The following SMYD3 variants were observed in gnomAD, a reference collection of about 807,000 sequenced individuals.
The protein encoded by SMYD3 is histone-lysine N-methyltransferase SMYD3.
A neutral mutation model predicts 57.7 loss-of-function variants in SMYD3; 36 were observed. The observed-to-expected ratio is 0.62, with a 90% CI of 0.48 to 0.82. SMYD3 has a LOEUF of 0.82. Among genes scored for constraint, SMYD3 ranks in the 40% least tolerant of loss-of-function variants. The probability of loss-of-function intolerance (pLI) is 0.00; values close to 1 mark genes in which losing one functional copy is unlikely to be tolerated. For synonymous variants in SMYD3, 211 were observed against 195.0 expected (o/e 1.08, Z -0.68); for missense variants, 515 against 538.8 (o/e 0.96, Z 0.44).
intron 1 of SMYD3, among the ~76,000 whole-genome samples, chr1:246,461,805 G>A (rs1163281621): frequency 6.6e-6 from 1 of 151,318 alleles, no homozygotes; most frequent in South Asian, 2.1e-4. Flanking sequence ...CACAGGAAAA[G>A]TACCACTATT....
intron 5 of SMYD3, among the ~76,000 whole-genome samples, chr1:246,137,286 C>T (rs985644097): frequency 6.6e-6 from 1 of 152,128 alleles, no homozygotes; most frequent in African/African-American, 2.4e-5. Flanking sequence ...CACCTGAGTC[C>T]ATGGGATTCA....
chr1:245,770,516 T>C (rs902611932), intron 10 of SMYD3, among the ~76,000 whole-genome samples: 2 of 152,236 alleles, frequency 1.3e-5, no homozygotes, highest in Non-Finnish European at 2.9e-5. Flanking sequence ...TCTATCCTGA[T>C]TCCCAGAAGC....
chr1:245,994,060 T>C (rs2058873234), intron 5 of SMYD3, among the ~76,000 whole-genome samples: 1 of 152,230 alleles, frequency 6.6e-6, no homozygotes, highest in Non-Finnish European at 1.5e-5. Context: ...CAAAAGGACT[T>C]GTCTTTTCTG....
chr1:245,978,944 T>C (rs1480165014), intron 5 of SMYD3, among the ~76,000 whole-genome samples: 3 of 152,198 alleles, frequency 2.0e-5, no homozygotes, highest in African/African-American at 7.2e-5. Context: ...CAGTACAGCC[T>C]AATCTGAGGT....
chr1:246,466,751 T>C (rs1331076263), intron 1 of SMYD3, among the ~76,000 whole-genome samples: 2 of 152,012 alleles, frequency 1.3e-5, no homozygotes, highest in East Asian at 3.9e-4. Context: ...AGGAGGCTGA[T>C]GGGGGAGGAT....
chr1:246,246,686 T>A (rs1206814322), intron 5 of SMYD3, among the ~76,000 whole-genome samples: 1 of 152,080 alleles, frequency 6.6e-6, no homozygotes, highest in African/African-American at 2.4e-5. Flanking sequence ...TTTATTTAAT[T>A]TCTAAAATGG....
rs544565265 is a variant in SMYD3 at position 245,933,750 on chromosome 1, T to C, written c.532-3813A>G. ...TATTACCATGTATTCAAATTTCATATTTTTCCTGAAATTCTTAGGACTAAA... is the reference window on the plus strand; with the variant it reads ...TATTACCATGTATTCAAATTTCATACTTTTCCTGAAATTCTTAGGACTAAA... On this transcript the variant is annotated intron_variant, in intron 5 of 11. Coordinates refer to ENST00000490107, the MANE Select transcript of SMYD3 (RefSeq NM_001167740.2). 1.1e-4 allele frequency among the ~76,000 whole-genome samples: 17 copies of C among 152,326 alleles called. No individual in the cohort carries two copies. The South Asian group carries it at 3.1e-3, about 28-fold the overall frequency.
intron 5 of SMYD3, among the ~76,000 whole-genome samples, chr1:246,217,061 T>C (rs35763081): frequency 0.27 from 40,358 of 151,982 alleles, 6,092 homozygotes; most frequent in East Asian, 0.58. Flanking sequence ...CCCTAAATAC[T>C]GGACAGAGGG....
chr1:245,851,659 A>G (rs973333380), intron 10 of SMYD3, among the ~76,000 whole-genome samples: 1 of 152,226 alleles, frequency 6.6e-6, no homozygotes, highest in African/African-American at 2.4e-5. Flanking sequence ...AGTGGAGCTC[A>G]TAACGGGGAC....
In SMYD3 at chr1:246,002,358, G is replaced by C. The variant is rs112929267; in HGVS notation, c.532-72421C>G. ...CGCCACCACGCCCGGCTAATTTTTT[G>C]TATTTTTAGTAGAGACGGGGTTTCA... On this transcript the variant is annotated intron_variant, in intron 5 of 11. Coordinates refer to ENST00000490107, the MANE Select transcript of SMYD3 (RefSeq NM_001167740.2). 5.6e-4 allele frequency among the ~76,000 whole-genome samples: 29 copies of C among 52,064 alleles called. 3 individuals are homozygous for C. Among genetic ancestry groups the C allele is most frequent in the South Asian group, 7.5e-4 (1 of 1,332 alleles). 34.2% of individuals were successfully genotyped at this position (52,064 alleles called of 152,430 possible).
At chr1:246,282,891 A>G (rs1256832451) in intron 5 of SMYD3, among the ~76,000 whole-genome samples, 1 of 152,194 alleles carries the variant, frequency 6.6e-6, no homozygotes, top group Non-Finnish European at 1.5e-5. Context: ...TAAACTGAAG[A>G]TCCAGTCTCT....
chr1:246,140,848 G>A (rs540699712), intron 5 of SMYD3, among the ~76,000 whole-genome samples: 4 of 152,116 alleles, frequency 2.6e-5, no homozygotes, highest in African/African-American at 4.8e-5. Flanking sequence ...TCCCCTCTCC[G>A]CCTCCTGAGT....
intron 5 of SMYD3, among the ~76,000 whole-genome samples, chr1:245,964,727 GA>G (rs1195139242): frequency 6.6e-6 from 1 of 150,594 alleles, no homozygotes; most frequent in Admixed American, 6.6e-5. Flanking sequence ...CACAACTGAG[GA>G]AAAATCTCAG....
At chr1:245,866,255 A>G (rs1223174251) in intron 8 of SMYD3, among the ~76,000 whole-genome samples, 1 of 152,010 alleles carries the variant, frequency 6.6e-6, no homozygotes, top group East Asian at 1.9e-4. Flanking sequence ...GTATGAGGAG[A>G]TAGGAGCACT....
At position 246,028,544 on chromosome 1, in the gene SMYD3, G is replaced by C. The variant is rs368711377; in HGVS notation, c.532-98607C>G. Among the ~76,000 whole-genome samples, 9 of 152,250 alleles carry C rather than the reference G, an allele frequency of 5.9e-5. No homozygotes were observed. The East Asian group carries it at 1.5e-3, about 26-fold the overall frequency. Reference sequence around the variant, plus strand: ...TATTGAAGGAGGAGAGAGAACTCTAGAAGGACAACTATGAAACACTGATGG... The same window carrying C: ...TATTGAAGGAGGAGAGAGAACTCTACAAGGACAACTATGAAACACTGATGG... On this transcript the variant is annotated intron_variant, in intron 5 of 11. Coordinates refer to ENST00000490107, the MANE Select transcript of SMYD3 (RefSeq NM_001167740.2).
At chr1:246,143,207 G>A (rs2061788342) in intron 5 of SMYD3, among the ~76,000 whole-genome samples, 1 of 151,658 alleles carries the variant, frequency 6.6e-6, no homozygotes, top group South Asian at 2.1e-4. Context: ...AGAGGGTCTT[G>A]GGACCTGCTT....
intron 10 of SMYD3, among the ~76,000 whole-genome samples, chr1:245,832,948 C>A (rs1405867590): frequency 6.6e-6 from 1 of 151,694 alleles, no homozygotes; most frequent in East Asian, 1.9e-4. Flanking sequence ...ATGGGGGAAT[C>A]AGCATTCCAA....
At chr1:246,233,998 C>T (rs2063469996) in intron 5 of SMYD3, among the ~76,000 whole-genome samples, 1 of 140,454 alleles carries the variant, frequency 7.1e-6, no homozygotes, top group Admixed American at 7.2e-5. Flanking sequence ...CTGTGATGAA[C>T]ATATACCACA....
At chr1:245,912,674 C>A (rs962499396) in intron 8 of SMYD3, among the ~76,000 whole-genome samples, 2 of 152,042 alleles carry the variant, frequency 1.3e-5, no homozygotes, top group African/African-American at 4.8e-5. Flanking sequence ...ACCAATGGAA[C>A]AGAACAGAAA....
Sources: gnomAD v4.1 joint callset for allele counts (sites outside exome capture counted in the v4.1 genomes callset) on GRCh38, gnomAD v4.1.1 for gene constraint, MANE v1.5 for transcripts, NCBI Gene and HGNC (gene_info 2026-07-23, HGNC 2026-07-21) for gene names.